NELL1: variants seen among roughly 807,000 people sequenced by gnomAD.
NELL1 encodes neural EGFL like 1.
NELL1 carries 76 observed loss-of-function variants against 107.4 expected under a neutral mutation model. The observed-to-expected ratio is 0.71, with a 90% CI of 0.59 to 0.86. NELL1 has a LOEUF of 0.86. Among genes scored for constraint, NELL1 ranks in the 40% least tolerant of loss-of-function variants. The pLI, the probability that NELL1 is intolerant of heterozygous loss-of-function variation, is 0.00. For missense variants in NELL1, 1,024 were observed against 1,005.5 expected (o/e 1.02, Z -0.25); for synonymous variants, 353 against 341.2 (o/e 1.03, Z -0.38).
At chr11:21,273,552 A>C (rs1266175810) in intron 14 of NELL1, among the ~76,000 whole-genome samples, 1 of 152,226 alleles carries the variant, frequency 6.6e-6, no homozygotes, top group Non-Finnish European at 1.5e-5. Context: ...AAGACAGAGA[A>C]CACCACAAAG....
chr11:20,730,220 A>G (rs908941), intron 2 of NELL1, among the ~76,000 whole-genome samples: 78,344 of 151,926 alleles, frequency 0.52, 23,091 homozygotes, highest in Middle Eastern at 0.74. Flanking sequence ...AAGATTATTA[A>G]TATTATACTG....
chr11:20,705,046 A>G (rs909633155), intron 2 of NELL1, among the ~76,000 whole-genome samples: 2 of 152,204 alleles, frequency 1.3e-5, no homozygotes, highest in African/African-American at 4.8e-5. Flanking sequence ...TTCCATGCTC[A>G]CGGGTAGGAA....
intron 16 of NELL1, among the ~76,000 whole-genome samples, chr11:21,537,024 CTTGGAG>C (rs746402825): frequency 7.8e-6 from 1 of 127,802 alleles, no homozygotes; most frequent in Non-Finnish European, 1.8e-5. Flanking sequence ...AACTGGACTC[CTTGGAG>C]TTGGAGTCAT....
rs535138730 is a variant in NELL1 at position 21,132,202 on chromosome 11, T to C, written c.1426+18488T>C. Among the ~76,000 whole-genome samples the C allele has an allele frequency of 3.5e-3, 523 of 148,372 alleles. 2 individuals are homozygous for C. The highest frequency in any genetic ancestry group is 4.1e-3 in the Non-Finnish European group (273 of 66,402). ...TGTATTTTGTGTGTGTGTGTGTGTG[T>C]GTGCATGTCTGTGTGTGTATTTGTA... On this transcript the variant is annotated intron_variant, in intron 13 of 19. Transcript: ENST00000357134.
At chr11:21,275,444 G>A (rs1232471367) in intron 14 of NELL1, among the ~76,000 whole-genome samples, 1 of 152,138 alleles carries the variant, frequency 6.6e-6, no homozygotes, top group Non-Finnish European at 1.5e-5. Flanking sequence ...GGACCAGATG[G>A]ATTCACAGCC....
In NELL1 at chr11:21,427,171, A is replaced by G. The variant is rs75295977; in HGVS notation, c.1645+56223A>G. On this transcript the variant is annotated intron_variant, in intron 15 of 19. Transcript: ENST00000357134. The stretch of plus-strand genomic sequence containing the variant: ...CATCTCTGCATTTTTTCATGTCGCT[A>G]TGTCTCATCACAACAGCCTTCCAAG... 4.9e-3 allele frequency among the ~76,000 whole-genome samples: 743 copies of G among 152,294 alleles called. 6 individuals are homozygous for G. The highest frequency in any genetic ancestry group is 0.015 in the African/African-American group (636 of 41,562).
chr11:20,746,521 A>G (rs1453848530), intron 2 of NELL1, among the ~76,000 whole-genome samples: 2 of 151,928 alleles, frequency 1.3e-5, no homozygotes, highest in East Asian at 3.9e-4. Context: ...GAGCCACTTA[A>G]TAGATAGTGG....
At chr11:20,729,135 GAT>G (rs1855572913) in intron 2 of NELL1, among the ~76,000 whole-genome samples, 2 of 13,782 alleles carry the variant, frequency 1.5e-4, no homozygotes, top group Admixed American at 2.0e-3. Context: ...AAATGCTACT[GAT>G]TTTTTTTTAA....
chr11:21,027,671 G>A (rs1852850442), intron 12 of NELL1, among the ~76,000 whole-genome samples: 1 of 152,084 alleles, frequency 6.6e-6, no homozygotes, highest in Admixed American at 6.6e-5. Flanking sequence ...CTTAGGTTCT[G>A]GGATTCTTCA....
At chr11:21,249,042 C>T (rs1039805414) in intron 14 of NELL1, among the ~76,000 whole-genome samples, 1 of 152,110 alleles carries the variant, frequency 6.6e-6, no homozygotes, top group Non-Finnish European at 1.5e-5. Flanking sequence ...ATACCCAGCC[C>T]TGCCTGAAGT....
In NELL1 at chr11:21,284,058, C is replaced by T. The variant is rs184104051; in HGVS notation, c.1549+54604C>T. 413 of 367,804 alleles carry T rather than the reference C, an allele frequency of 1.1e-3. 1 individual carries two copies. The highest frequency in any genetic ancestry group is 1.7e-3 in the Non-Finnish European group (315 of 186,124). 22.8% of individuals were successfully genotyped at this position (367,804 alleles called of 1,614,324 possible). A position where few individuals can be genotyped will look rare whatever the true frequency, so the allele number is the denominator to read the frequency against. ...GACTTTGAGGGAATGTCAGTGACCT[C>T]CACCTCTGCCTCACATGAAGAGGAA... On this transcript the variant is annotated intron_variant, in intron 14 of 19. Coordinates refer to ENST00000357134, the MANE Select transcript of NELL1 (RefSeq NM_006157.5).
intron 12 of NELL1, among the ~76,000 whole-genome samples, chr11:21,096,178 T>C (rs534809108): frequency 6.6e-6 from 1 of 152,330 alleles, no homozygotes; most frequent in East Asian, 1.9e-4. Context: ...TACCCTCTTC[T>C]AGCGCCAATG....
At chr11:21,421,743 CA>C (rs1024238567) in intron 15 of NELL1, among the ~76,000 whole-genome samples, 4 of 151,944 alleles carry the variant, frequency 2.6e-5, no homozygotes, top group Admixed American at 2.6e-4. Context: ...CAATAATGGC[CA>C]AAAACTCCCC....
At chr11:20,930,393 A>G (rs1346841491) in intron 9 of NELL1, among the ~76,000 whole-genome samples, 1 of 152,152 alleles carries the variant, frequency 6.6e-6, no homozygotes, top group Non-Finnish European at 1.5e-5. Flanking sequence ...ATTATGTTTT[A>G]AAAACTTCTG....
At chr11:21,455,280 T>G (rs1482021688) in intron 15 of NELL1, among the ~76,000 whole-genome samples, 1 of 151,396 alleles carries the variant, frequency 6.6e-6, no homozygotes, top group Non-Finnish European at 1.5e-5. Context: ...ATGTGACTTT[T>G]TTTTATCTGG....
At chr11:20,856,812 G>C (rs1213345641) in intron 4 of NELL1, among the ~76,000 whole-genome samples, 3 of 152,174 alleles carry the variant, frequency 2.0e-5, no homozygotes, top group African/African-American at 2.4e-5. Flanking sequence ...GTGAGTTGAG[G>C]TTAGTGTCTT....
At chr11:20,747,639 C>T (rs1210340912) in intron 2 of NELL1, among the ~76,000 whole-genome samples, 1 of 152,202 alleles carries the variant, frequency 6.6e-6, no homozygotes, top group Non-Finnish European at 1.5e-5. Context: ...AAGGCCCCAC[C>T]TCTCAATATG....
At chr11:21,035,538 G>T (rs184748042) in intron 12 of NELL1, among the ~76,000 whole-genome samples, 5 of 150,570 alleles carry the variant, frequency 3.3e-5, no homozygotes, top group Non-Finnish European at 5.9e-5. Context: ...TATTCACCAC[G>T]ATCAAGTAGG....
At chr11:21,324,864 C>G (rs1045006864) in intron 14 of NELL1, among the ~76,000 whole-genome samples, 1 of 152,072 alleles carries the variant, frequency 6.6e-6, no homozygotes, top group African/African-American at 2.4e-5. Flanking sequence ...TGACTCTTCA[C>G]TGAGAAATGC....
Sources: allele counts gnomAD v4.1 joint callset (sites outside exome capture counted in the v4.1 genomes callset), GRCh38; gene constraint gnomAD v4.1.1; transcripts MANE v1.5; gene names NCBI Gene and HGNC (gene_info 2026-07-23, HGNC 2026-07-21).